WDTC1: variants seen among roughly 807,000 people sequenced by gnomAD.
The protein encoded by WDTC1 is WD and tetratricopeptide repeats protein 1.
A neutral mutation model predicts 76.0 loss-of-function variants in WDTC1; 12 were observed. That is an observed-to-expected ratio of 0.16 (90% CI 0.10 to 0.26). The LOEUF is 0.26. WDTC1 is among the 10% of genes least tolerant of loss of function. The pLI is 1.00. For missense variants in WDTC1, 511 were observed against 908.8 expected, an observed-to-expected ratio of 0.56 and a Z score of 5.63; for synonymous variants, 326 against 350.8, an observed-to-expected ratio of 0.93 and a Z score of 0.79.
chr1:27,234,588 G>A (rs1013048676), upstream of WDTC1: 11 of 391,702 alleles, frequency 2.8e-5, no homozygotes, highest in Non-Finnish European at 5.0e-5. Context: ...CCGGCTGCGA[G>A]GCGCAGGGCG....
chr1:27,234,891 C>G lies in WDTC1; in HGVS notation c.-160C>G, dbSNP rs565122244. On this transcript the variant is annotated 5_prime_UTR_variant, in exon 1 of 16. Coordinates refer to ENST00000319394, the MANE Select transcript of WDTC1 (RefSeq NM_001276252.2). ...CCTTCCCGGGAGAGGGGCCGCCCCC[C>G]CCGGACGGACATGGGCTCCTGAAGT... 2.5e-5 allele frequency: 10 copies of G among 395,784 alleles called. No individual in the cohort carries two copies. The highest frequency in any genetic ancestry group is 2.2e-4 in the Admixed American group (5 of 22,618). The allele number at this position is 395,784 out of a possible 1,614,324, so 24.5% of individuals were successfully genotyped here. A position where few individuals can be genotyped will look rare whatever the true frequency, so the allele number is the denominator to read the frequency against.
At position 27,306,521 on chromosome 1, in the gene WDTC1, G is replaced by A. The variant is rs201584412; in HGVS notation, c.*138G>A. The A allele has an allele frequency of 2.6e-4, 297 of 1,121,458 alleles. 1 individual carries two copies. In the East Asian group the frequency reaches 6.9e-3, roughly 26 times the overall value. 69.5% of individuals were successfully genotyped at this position (1,121,458 alleles called of 1,614,324 possible). A position where few individuals can be genotyped will look rare whatever the true frequency, so the allele number is the denominator to read the frequency against. ...CCCCTGTTTTGTTTGTTAGTTTGGC[G>A]TTAGGGGTGGAGGTTGCTACAACTT... On this transcript the variant is annotated 3_prime_UTR_variant, in exon 16 of 16. Transcript: ENST00000319394. This position sits in a 1 kb window ranked among gnomAD's most constrained non-coding sequence, Gnocchi z 5.0.
chr1:27,242,302 C>T (rs2011652314), intron 1 of WDTC1, among the ~76,000 whole-genome samples: 1 of 151,952 alleles, frequency 6.6e-6, no homozygotes, highest in African/African-American at 2.4e-5. Flanking sequence ...CCCATCTCTA[C>T]AAAAAATAAA....
rs769952022 is a variant in WDTC1 at position 27,303,810 on chromosome 1, A to G, written c.1643+15A>G. On this transcript the variant is annotated intron_variant, in intron 14 of 15. Transcript: ENST00000319394. This position sits in a 1 kb window ranked among gnomAD's most constrained non-coding sequence, Gnocchi z 4.8. ...TTCTTTGGCAGGTCCGAGGCCCTGA[A>G]GAGGAGGGTGCAGCCCAGTTGGCAG... The G allele has an allele frequency of 6.2e-7, 1 of 1,613,858 alleles. No individual in the cohort carries two copies. The highest frequency in any genetic ancestry group is 1.3e-5 in the African/African-American group (1 of 75,042).
At chr1:27,239,507 G>T (rs1401222066) in intron 1 of WDTC1, among the ~76,000 whole-genome samples, 1 of 121,630 alleles carries the variant, frequency 8.2e-6, no homozygotes, top group Admixed American at 9.7e-5. Context: ...GGGCAACAGA[G>T]ACCCTGTCTC....
At chr1:27,272,340 G>A (rs1482299593) in intron 3 of WDTC1, among the ~76,000 whole-genome samples, 1 of 152,042 alleles carries the variant, frequency 6.6e-6, no homozygotes, top group African/African-American at 2.4e-5. Flanking sequence ...TCCCACCTTG[G>A]CCTCCCAAGT....
At chr1:27,288,993 C>G (rs1409088523) in intron 6 of WDTC1, among the ~76,000 whole-genome samples, 3 of 124,404 alleles carry the variant, frequency 2.4e-5, no homozygotes, top group Admixed American at 1.7e-4. Flanking sequence ...ACCCCCCCCC[C>G]ACCTCCCTCC....
intron 3 of WDTC1, among the ~76,000 whole-genome samples, chr1:27,275,858 A>C (rs531124708): frequency 6.6e-6 from 1 of 152,266 alleles, no homozygotes; most frequent in African/African-American, 2.4e-5. Flanking sequence ...TGTTTTCATC[A>C]CCCCAAAAAG....
chr1:27,292,523 G>C (rs373296623), intron 7 of WDTC1, 126 bp downstream of exon 7: 1 of 866,344 alleles, frequency 1.2e-6, no homozygotes, highest in East Asian at 3.1e-5. Flanking sequence ...AACCTCCCAG[G>C]CTCAAGCGAT....
chr1:27,245,696 A>C lies in WDTC1; in HGVS notation c.-100+10745A>C, dbSNP rs918098726. Among the ~76,000 whole-genome samples, 39 of 151,154 alleles carry C rather than the reference A, an allele frequency of 2.6e-4. 1 individual carries two copies. The highest frequency in any genetic ancestry group is 8.6e-4 in the African/African-American group (35 of 40,706). The stretch of plus-strand genomic sequence containing the variant: ...ACGATTCTCCTGCCTCAGCTTCCCG[A>C]GTAGCTGGGATTATAGGTGCCTGCC... On this transcript the variant is annotated intron_variant, in intron 1 of 15. Transcript: ENST00000319394.
chr1:27,292,438 C>T (rs768421465), intron 7 of WDTC1, 41 bp downstream of exon 7: 2 of 1,480,660 alleles, frequency 1.4e-6, no homozygotes, highest in Admixed American at 2.2e-5. Context: ...GAGTAAGTCC[C>T]CAGAGAACCT....
chr1:27,288,185 C>T (rs531386812), intron 6 of WDTC1, among the ~76,000 whole-genome samples: 9 of 152,224 alleles, frequency 5.9e-5, no homozygotes, highest in African/African-American at 7.2e-5. Flanking sequence ...CTTCCCATGT[C>T]GGACTCTTTC....
At chr1:27,259,095 A>G (rs577769240) in intron 1 of WDTC1, among the ~76,000 whole-genome samples, 2 of 152,336 alleles carry the variant, frequency 1.3e-5, no homozygotes, top group African/African-American at 4.8e-5. Flanking sequence ...AAAATATTAA[A>G]AAGTAGAAAA....
chr1:27,283,071 G>C (rs1377954656), intron 4 of WDTC1, among the ~76,000 whole-genome samples: 1 of 151,424 alleles, frequency 6.6e-6, no homozygotes, highest in Non-Finnish European at 1.5e-5. Context: ...CTGGGAGGCG[G>C]AGCTTGCAGT....
chr1:27,304,451 G>A (rs556165731), intron 14 of WDTC1: 205 of 154,346 alleles, frequency 1.3e-3, no homozygotes, highest in Middle Eastern at 6.6e-3. Flanking sequence ...TACAAAAAAT[G>A]TTTTAAATTA....
intron 1 of WDTC1, among the ~76,000 whole-genome samples, chr1:27,252,740 T>C (rs997562576): frequency 6.6e-6 from 1 of 151,584 alleles, no homozygotes; most frequent in Non-Finnish European, 1.5e-5. Flanking sequence ...GGAGGCTGCA[T>C]TGAGCTGAGA....
chr1:27,291,528 C>T (rs1426382685), intron 6 of WDTC1, among the ~76,000 whole-genome samples: 1 of 152,186 alleles, frequency 6.6e-6, no homozygotes, highest in Non-Finnish European at 1.5e-5. Flanking sequence ...CCACCACTCT[C>T]TGAGGATACC....
At chr1:27,297,427 T>A (rs1302872757) in intron 11 of WDTC1, among the ~76,000 whole-genome samples, 3 of 152,208 alleles carry the variant, frequency 2.0e-5, no homozygotes, top group South Asian at 4.1e-4. Flanking sequence ...CTCTTAGCAC[T>A]GAGCTGTCTC....
intron 1 of WDTC1, among the ~76,000 whole-genome samples, chr1:27,253,077 C>T (rs1197207315): frequency 5.0e-4 from 74 of 146,568 alleles, no homozygotes; most frequent in South Asian, 2.8e-3. Context: ...GGTGCAATCT[C>T]GGCTCACTGC....
Sources: allele counts gnomAD v4.1 joint callset (sites outside exome capture counted in the v4.1 genomes callset), GRCh38; gene constraint gnomAD v4.1.1; non-coding constraint Gnocchi (gnomAD v3.1); transcripts MANE v1.5; gene names NCBI Gene and HGNC (gene_info 2026-07-23, HGNC 2026-07-21).